Variants in UBE4B observed in about 807,000 individuals in gnomAD.
UBE4B encodes ubiquitin conjugation factor E4 B.
A neutral mutation model predicts 148.1 loss-of-function variants in UBE4B; 27 were observed. The observed-to-expected ratio is 0.18, with a 90% CI of 0.13 to 0.25. UBE4B has a LOEUF of 0.25. Ranked by LOEUF, UBE4B falls within the 10% of genes least tolerant of loss-of-function variation. The probability of loss-of-function intolerance (pLI) is 1.00; values close to 1 mark genes in which losing one functional copy is unlikely to be tolerated. For missense variants in UBE4B, 1,170 were observed against 1,662.4 expected (o/e 0.70, Z 5.15); for synonymous variants, 596 against 619.3 (o/e 0.96, Z 0.56).
chr1:10,129,386 T>A lies in UBE4B; in HGVS notation c.1639-6T>A, dbSNP rs578013025. 41 of 1,609,564 alleles carry A rather than the reference T, an allele frequency of 2.5e-5. No individual in the cohort carries two copies. The highest frequency in any genetic ancestry group is 3.4e-5 in the Non-Finnish European group (40 of 1,176,356). On this transcript the variant is annotated splice_polypyrimidine_tract_variant and splice_region_variant and intron_variant, in intron 11 of 27. Coordinates refer to ENST00000343090, the MANE Select transcript of UBE4B (RefSeq NM_001105562.3). ...TGCATTTAAATGACTCTGATCTTAT[T>A]TCTAGGCACTAGGTGAGCTCTGTGA...
chr1:10,103,977 G>GTC (rs1645060300), intron 5 of UBE4B, among the ~76,000 whole-genome samples: 1 of 151,852 alleles, frequency 6.6e-6, no homozygotes, highest in Non-Finnish European at 1.5e-5. Flanking sequence ...GGCCAGGATG[G>GTC]TCTCGATCTC....
At chr1:10,087,100 C>T (rs569355747) in intron 2 of UBE4B, among the ~76,000 whole-genome samples, 28 of 152,258 alleles carry the variant, frequency 1.8e-4, no homozygotes, top group Admixed American at 3.3e-4. Context: ...TCTCGTCTGA[C>T]GCATACAGGT....
intron 20 of UBE4B, among the ~76,000 whole-genome samples, 188 bp from the exon 21 acceptor site, chr1:10,151,138 G>C (rs1435957981): frequency 1.3e-5 from 2 of 151,612 alleles, no homozygotes; most frequent in Non-Finnish European, 2.9e-5. Flanking sequence ...ACTCCAGCCT[G>C]GGCGACAGAG....
intron 5 of UBE4B, among the ~76,000 whole-genome samples, chr1:10,103,626 G>GTTTTTTTTTTTTTTTTTTTTTT (rs1279924321): frequency 1.7e-5 from 2 of 117,078 alleles, no homozygotes; most frequent in Non-Finnish European, 1.9e-5. Context: ...TGTTTGTTTT[G>GTTTTTTTTTTTTTTTTTTTTTT]TTTTTGTTTT....
At chr1:10,087,446 A>T (rs1644783503) in intron 2 of UBE4B, among the ~76,000 whole-genome samples, 1 of 152,218 alleles carries the variant, frequency 6.6e-6, no homozygotes, top group South Asian at 2.1e-4. Flanking sequence ...TATGATTTTG[A>T]CTAAACTAAA....
At chr1:10,041,654 G>A (rs114982490) in intron 1 of UBE4B, among the ~76,000 whole-genome samples, 5 of 151,734 alleles carry the variant, frequency 3.3e-5, no homozygotes, top group African/African-American at 7.2e-5. Context: ...GCATTCTTAC[G>A]GTCCCTTCTG....
intron 7 of UBE4B, among the ~76,000 whole-genome samples, chr1:10,112,994 G>A (rs1205297770): frequency 6.6e-6 from 1 of 152,180 alleles, no homozygotes; most frequent in East Asian, 1.9e-4. Flanking sequence ...CTTGTTTGGT[G>A]CCTGGCTGGT....
chr1:10,096,809 G>A (rs1644935242), intron 3 of UBE4B, among the ~76,000 whole-genome samples: 1 of 152,068 alleles, frequency 6.6e-6, no homozygotes, highest in South Asian at 2.1e-4. Flanking sequence ...GGGAAACAGA[G>A]ACATGGATCA....
chr1:10,124,013 G>T (rs2101927903), intron 10 of UBE4B, among the ~76,000 whole-genome samples: 1 of 152,192 alleles, frequency 6.6e-6, no homozygotes, highest in Admixed American at 6.5e-5. Context: ...GATGTCAGGT[G>T]ATCCACCCGC....
intron 3 of UBE4B, among the ~76,000 whole-genome samples, chr1:10,098,195 T>C (rs1644958913): frequency 1.3e-5 from 2 of 152,076 alleles, no homozygotes; most frequent in Admixed American, 6.5e-5. Context: ...TACAATATAA[T>C]ATAAATATAG....
At chr1:10,085,192 G>A (rs906088563) in intron 2 of UBE4B, among the ~76,000 whole-genome samples, 6 of 152,122 alleles carry the variant, frequency 3.9e-5, no homozygotes, top group Non-Finnish European at 5.9e-5. Flanking sequence ...GGCAGGATTC[G>A]TCCCCTGAAG....
intron 21 of UBE4B, among the ~76,000 whole-genome samples, chr1:10,153,903 T>G (rs1050267619): frequency 1.3e-5 from 2 of 152,046 alleles, no homozygotes; most frequent in Admixed American, 1.3e-4. Flanking sequence ...ACCAACATGG[T>G]GAAACCCTGT....
At chr1:10,177,604 C>T in intron 25 of UBE4B, among the ~76,000 whole-genome samples, 1 of 152,052 alleles carries the variant, frequency 6.6e-6, no homozygotes, top group East Asian at 1.9e-4. Context: ...TGCAGTGAGC[C>T]ATGATTGCAC....
intron 2 of UBE4B, among the ~76,000 whole-genome samples, chr1:10,084,167 C>T (rs1644727522): frequency 2.0e-5 from 3 of 152,210 alleles, no homozygotes; most frequent in Admixed American, 1.3e-4. Context: ...TACTGCATGG[C>T]CTTTGTCATG....
chr1:10,170,046 T>G (rs1401631965), intron 24 of UBE4B, among the ~76,000 whole-genome samples: 1 of 152,206 alleles, frequency 6.6e-6, no homozygotes, highest in East Asian at 1.9e-4. Flanking sequence ...GGCCTGCTCA[T>G]AGACCTGAGC....
intron 17 of UBE4B, 71 bp downstream of exon 17, chr1:10,137,276 T>C: frequency 6.3e-7 from 1 of 1,590,944 alleles, no homozygotes; most frequent in South Asian, 1.1e-5. Context: ...GCAATTCCAT[T>C]GTGAACAGTA....
rs183590871 is a variant in UBE4B, at chr1:10,091,204, C to A, written c.212-4257C>A. Among the ~76,000 whole-genome samples the A allele has an allele frequency of 8.5e-5, 13 of 152,112 alleles. No individual in the cohort carries two copies. In the South Asian group the frequency reaches 1.5e-3, roughly 17 times the overall value. On this transcript the variant is annotated intron_variant, in intron 2 of 27. Transcript: ENST00000343090. ...AGCAGATTATGTTCATTTTTTAATT[C>A]TTTAATATCTGGCTTTGTGAAGATG...
chr1:10,047,744 G>T (rs1020587744), intron 1 of UBE4B, among the ~76,000 whole-genome samples: 1 of 151,952 alleles, frequency 6.6e-6, no homozygotes, highest in Non-Finnish European at 1.5e-5. Flanking sequence ...CACCCGCCTC[G>T]GCCTCCCAGA....
intron 17 of UBE4B, among the ~76,000 whole-genome samples, chr1:10,140,221 G>C (rs952523892): frequency 1.4e-4 from 21 of 151,868 alleles, no homozygotes; most frequent in African/African-American, 5.1e-4. Context: ...GTAACCTGTG[G>C]GTTATTTCAA....
Sources: gnomAD v4.1 joint callset for allele counts (sites outside exome capture counted in the v4.1 genomes callset) on GRCh38, gnomAD v4.1.1 for gene constraint, MANE v1.5 for transcripts, NCBI Gene and HGNC (gene_info 2026-07-23, HGNC 2026-07-21) for gene names.